Variants in UVRAG observed in about 807,000 individuals in gnomAD.
UVRAG encodes UV radiation resistance-associated gene protein.
In UVRAG, 19 loss-of-function variants were observed where a neutral mutation model predicts 78.0. That is an observed-to-expected ratio of 0.24 (90% confidence interval 0.17 to 0.36). UVRAG has a LOEUF of 0.36. UVRAG is among the 10% of genes least tolerant of loss of function. UVRAG has a pLI of 1.00. For synonymous variants in UVRAG, 323 were observed against 324.6 expected (o/e 1.00, Z 0.05); for missense variants, 740 against 853.8 (o/e 0.87, Z 1.66).
intron 12 of UVRAG, among the ~76,000 whole-genome samples, chr11:76,061,500 CTG>C (rs1951093727): frequency 6.6e-6 from 1 of 152,172 alleles, no homozygotes; most frequent in Admixed American, 6.5e-5. Flanking sequence ...TGGGTCCACA[CTG>C]TGTTTATGAG....
chr11:75,859,178 G>A (rs1021266406), intron 2 of UVRAG, among the ~76,000 whole-genome samples: 2 of 152,028 alleles, frequency 1.3e-5, no homozygotes, highest in East Asian at 1.9e-4. Flanking sequence ...AGTTCAAGAC[G>A]AGCCTGGCCA....
intron 6 of UVRAG, among the ~76,000 whole-genome samples, chr11:75,937,486 C>T (rs1948396059): frequency 6.6e-6 from 1 of 152,134 alleles, no homozygotes; most frequent in Non-Finnish European, 1.5e-5. Context: ...ATCTCTATAT[C>T]ATCTTAGTTT....
chr11:75,878,938 A>G (rs1328481293), intron 3 of UVRAG, among the ~76,000 whole-genome samples: 6 of 145,604 alleles, frequency 4.1e-5, no homozygotes, highest in Non-Finnish European at 7.6e-5. Context: ...AGGGAGAGGG[A>G]GACCCCCTTA....
chr11:76,142,919 T>C lies in UVRAG; in HGVS notation c.*1506T>C, dbSNP rs140294121. 2.0e-5 allele frequency: 3 copies of C among 152,460 alleles called. No homozygotes were observed. The highest frequency in any genetic ancestry group is 3.9e-4 in the East Asian group (2 of 5,194). The allele number at this position is 152,460 out of a possible 1,614,324, so 9.4% of individuals were successfully genotyped here. On this transcript the variant is annotated 3_prime_UTR_variant, in exon 15 of 15. Transcript: ENST00000356136. ...CAAGCATTCCTGGGCTCAAGTTTAA[T>C]GTATAGCTACATTGTTGTTTTCCAT... is the stretch of plus-strand genomic sequence containing the variant.
At chr11:76,038,488 C>T (rs1237493953) in intron 12 of UVRAG, among the ~76,000 whole-genome samples, 3 of 152,102 alleles carry the variant, frequency 2.0e-5, no homozygotes, top group Non-Finnish European at 4.4e-5. Flanking sequence ...GACTTATGTA[C>T]ATAAGTTATA....
chr11:76,075,284 T>C lies in UVRAG; in HGVS notation c.1305+9496T>C, dbSNP rs515515. Among the ~76,000 whole-genome samples, 469 of 152,244 alleles carry C rather than the reference T, an allele frequency of 3.1e-3. 1 individual carries two copies. The highest frequency in any genetic ancestry group is 3.3e-3 in the South Asian group (16 of 4,824). On this transcript the variant is annotated intron_variant, in intron 13 of 14. Transcript: ENST00000356136. ...ATTTAAAAAAAAGTTTACTGAGATA[T>C]ATTTCACATAACATACAATTAACCC... is the stretch of plus-strand genomic sequence containing the variant.
chr11:76,104,730 T>G (rs943044229), intron 13 of UVRAG, among the ~76,000 whole-genome samples: 9 of 152,208 alleles, frequency 5.9e-5, no homozygotes, highest in African/African-American at 1.4e-4. Flanking sequence ...CTTGTTGAAT[T>G]AAGTAATTTC....
chr11:75,873,903 CTACA>C (rs1331907450), intron 3 of UVRAG, among the ~76,000 whole-genome samples: 8 of 152,206 alleles, frequency 5.3e-5, no homozygotes. Context: ...GCATTCCTAG[CTACA>C]GTTTTCTCAG....
At chr11:75,913,661 T>C (rs1178471499) in intron 6 of UVRAG, among the ~76,000 whole-genome samples, 2 of 152,200 alleles carry the variant, frequency 1.3e-5, no homozygotes, top group East Asian at 1.9e-4. Flanking sequence ...ATGTTTTATC[T>C]ATCTGAGGGC....
intron 7 of UVRAG, among the ~76,000 whole-genome samples, chr11:75,962,309 C>A (rs913606796): frequency 1.3e-5 from 2 of 152,108 alleles, no homozygotes; most frequent in Non-Finnish European, 2.9e-5. Flanking sequence ...TTCCTATTGT[C>A]ATTTACACCC....
intron 12 of UVRAG, among the ~76,000 whole-genome samples, chr11:76,044,697 C>T (rs1202299513): frequency 2.0e-5 from 3 of 152,126 alleles, no homozygotes; most frequent in African/African-American, 7.2e-5. Flanking sequence ...TTGCTTGAAC[C>T]TGGGAGACGG....
intron 2 of UVRAG, 147 bp from the exon 3 acceptor site, chr11:75,861,599 C>A (rs1946423659): frequency 7.1e-6 from 3 of 421,494 alleles, no homozygotes; most frequent in Non-Finnish European, 1.2e-5. Flanking sequence ...TTTTTTTTAA[C>A]AGATAAAGAT....
intron 1 of UVRAG, among the ~76,000 whole-genome samples, chr11:75,834,969 C>T (rs1019805162): frequency 3.3e-5 from 5 of 152,064 alleles, no homozygotes; most frequent in African/African-American, 4.8e-5. Context: ...CCACCATGCC[C>T]GACCTCATTT....
chr11:76,011,013 G>GT (rs1565118761), intron 11 of UVRAG, among the ~76,000 whole-genome samples: 1 of 152,192 alleles, frequency 6.6e-6, no homozygotes, highest in Non-Finnish European at 1.5e-5. Context: ...AGTCAGAGAA[G>GT]TAGGAATATC....
At chr11:76,033,777 A>G (rs896167136) in intron 12 of UVRAG, among the ~76,000 whole-genome samples, 2 of 152,192 alleles carry the variant, frequency 1.3e-5, no homozygotes, top group Non-Finnish European at 2.9e-5. Flanking sequence ...AATGCATGTT[A>G]AAACCAGAAG....
intron 12 of UVRAG, among the ~76,000 whole-genome samples, chr11:76,058,851 T>C (rs914276682): frequency 3.9e-5 from 6 of 152,120 alleles, no homozygotes; most frequent in Non-Finnish European, 7.4e-5. Flanking sequence ...CTAGATCTCA[T>C]AAAGGATGGA....
intron 1 of UVRAG, among the ~76,000 whole-genome samples, chr11:75,824,111 A>G (rs966841169): frequency 3.3e-5 from 5 of 152,228 alleles, no homozygotes; most frequent in East Asian, 1.9e-4. Flanking sequence ...TATCAGGAAC[A>G]TGTGCCTCAC....
chr11:76,064,115 T>A (rs1312629659), intron 12 of UVRAG, among the ~76,000 whole-genome samples: 1 of 152,214 alleles, frequency 6.6e-6, no homozygotes, highest in Non-Finnish European at 1.5e-5. Context: ...TGAAATCAAT[T>A]TTTTAGGAAT....
intron 7 of UVRAG, among the ~76,000 whole-genome samples, chr11:75,974,404 G>A (rs963535943): frequency 7.5e-6 from 1 of 133,852 alleles, no homozygotes; most frequent in Non-Finnish European, 1.5e-5. Context: ...CTGTCGCCCA[G>A]GCCGGACTGC....
Sources: gnomAD v4.1 joint callset for allele counts (sites outside exome capture counted in the v4.1 genomes callset) on GRCh38, gnomAD v4.1.1 for gene constraint, MANE v1.5 for transcripts, NCBI Gene and HGNC (gene_info 2026-07-23, HGNC 2026-07-21) for gene names.